Variants in KAZN observed in about 807,000 individuals in gnomAD.
KAZN encodes kazrin.
In KAZN, 40 loss-of-function variants were observed where a neutral mutation model predicts 87.4. The observed-to-expected ratio is 0.46, with a 90% CI of 0.36 to 0.60. KAZN has a LOEUF of 0.60. Ranked by LOEUF, KAZN falls within the 20% of genes least tolerant of loss-of-function variation. The pLI, the probability that KAZN is intolerant of heterozygous loss-of-function variation, is 0.00. For missense variants in KAZN, 898 were observed against 1,073.9 expected, an observed-to-expected ratio of 0.84 and a Z score of 2.29; for synonymous variants, 466 against 458.3, an observed-to-expected ratio of 1.02 and a Z score of -0.22.
At chr1:14,744,790 A>G (rs1351976447) in intron 1 of KAZN, among the ~76,000 whole-genome samples, 1 of 152,186 alleles carries the variant, frequency 6.6e-6, no homozygotes, top group Non-Finnish European at 1.5e-5. Flanking sequence ...ATAGTTCATA[A>G]GTAAATAACT....
At chr1:14,455,021 A>G (rs1352874958) in intron 2 of KAZN, among the ~76,000 whole-genome samples, 2 of 151,584 alleles carry the variant, frequency 1.3e-5, no homozygotes, top group African/African-American at 4.9e-5. Flanking sequence ...GGGCTTCTCC[A>G]TAGAGCTGCT....
chr1:14,684,634 T>C (rs1640854722), intron 1 of KAZN, among the ~76,000 whole-genome samples: 1 of 152,198 alleles, frequency 6.6e-6, no homozygotes, highest in South Asian at 2.1e-4. Context: ...CTTTCTAGCT[T>C]CTAGAGGCTG....
intron 2 of KAZN, among the ~76,000 whole-genome samples, chr1:14,514,344 T>TTTTATATATATTATATATATTTA (rs1553182417): frequency 5.1e-5 from 1 of 19,642 alleles, no homozygotes; most frequent in African/African-American, 1.9e-4. Context: ...ATATATATAT[T>TTTTATATATATTATATATATTTA]TATATATATT....
At chr1:14,127,821 T>A (rs1049375021) in intron 1 of KAZN, among the ~76,000 whole-genome samples, 5 of 152,134 alleles carry the variant, frequency 3.3e-5, no homozygotes, top group Admixed American at 2.6e-4. Context: ...AGGGACACCC[T>A]GGCAGAGAGG....
chr1:14,257,141 T>A (rs1489623286), intron 2 of KAZN, among the ~76,000 whole-genome samples: 2 of 152,208 alleles, frequency 1.3e-5, no homozygotes, highest in Non-Finnish European at 2.9e-5. Flanking sequence ...TATGTCCTTA[T>A]TTTTAAAGGC....
intron 1 of KAZN, among the ~76,000 whole-genome samples, chr1:14,001,933 A>T (rs1472372800): frequency 3.3e-5 from 5 of 152,262 alleles, no homozygotes; most frequent in Non-Finnish European, 7.3e-5. Flanking sequence ...TTCAGGACAC[A>T]GACATGGGCA....
chr1:14,410,442 G>A (rs369179866), intron 2 of KAZN, among the ~76,000 whole-genome samples: 1 of 152,308 alleles, frequency 6.6e-6, no homozygotes. Flanking sequence ...ACAGAATAGA[G>A]AGGATTGGGA....
chr1:14,755,159 G>A (rs1326938346), intron 1 of KAZN, among the ~76,000 whole-genome samples: 8 of 151,914 alleles, frequency 5.3e-5, no homozygotes, highest in Non-Finnish European at 1.2e-4. Context: ...AGGCTGAGGT[G>A]GGAAAATTGC....
chr1:13,960,631 C>T (rs1641715068), intron 1 of KAZN, among the ~76,000 whole-genome samples: 1 of 152,190 alleles, frequency 6.6e-6, no homozygotes, highest in Non-Finnish European at 1.5e-5. Flanking sequence ...GGAGACCAAA[C>T]CTCAGGATGA....
chr1:14,821,114 G>A (rs1646726040), intron 1 of KAZN, among the ~76,000 whole-genome samples: 2 of 152,190 alleles, frequency 1.3e-5, no homozygotes, highest in South Asian at 4.1e-4. Flanking sequence ...GGGAAGAAGT[G>A]AGCTTGAAAG....
chr1:14,027,282 C>G (rs1294323345), intron 1 of KAZN, among the ~76,000 whole-genome samples: 2 of 152,080 alleles, frequency 1.3e-5, no homozygotes, highest in African/African-American at 4.8e-5. Flanking sequence ...GCTCCTCAGC[C>G]CCATGCGATG....
intron 1 of KAZN, among the ~76,000 whole-genome samples, chr1:14,675,546 G>A (rs1333408610): frequency 6.6e-6 from 1 of 152,160 alleles, no homozygotes; most frequent in Non-Finnish European, 1.5e-5. Context: ...GCAGGAGGCT[G>A]ATATCCCCCA....
intron 1 of KAZN, among the ~76,000 whole-genome samples, chr1:14,781,138 C>G (rs1298487535): frequency 1.3e-5 from 2 of 152,138 alleles, no homozygotes; most frequent in African/African-American, 4.8e-5. Context: ...CTGGCTAACA[C>G]GGTGAAACCC....
intron 2 of KAZN, among the ~76,000 whole-genome samples, chr1:14,414,908 C>G (rs1261177311): frequency 6.6e-6 from 1 of 152,214 alleles, no homozygotes; most frequent in East Asian, 1.9e-4. Flanking sequence ...CACCTGTAGC[C>G]CCAGCTACTT....
At chr1:14,633,287 A>G (rs1036586600) in intron 1 of KAZN, among the ~76,000 whole-genome samples, 6 of 152,186 alleles carry the variant, frequency 3.9e-5, no homozygotes, top group African/African-American at 1.4e-4. Context: ...AAAACTTTGT[A>G]TGGCAGATGG....
intron 1 of KAZN, among the ~76,000 whole-genome samples, chr1:14,685,489 G>C (rs1572220264): frequency 1.3e-5 from 2 of 152,312 alleles, no homozygotes; most frequent in East Asian, 3.9e-4. Context: ...AGGGGACATG[G>C]GCAGAGGATT....
intron 1 of KAZN, among the ~76,000 whole-genome samples, chr1:13,930,687 A>G (rs1466811189): frequency 6.6e-6 from 1 of 152,260 alleles, no homozygotes; most frequent in Non-Finnish European, 1.5e-5. Context: ...AAAGCATAAA[A>G]GTCACTGACT....
intron 1 of KAZN, among the ~76,000 whole-genome samples, chr1:14,058,902 G>A (rs991657612): frequency 6.6e-6 from 1 of 152,176 alleles, no homozygotes; most frequent in Non-Finnish European, 1.5e-5. Context: ...AGGCAAGAAA[G>A]GTTTTGGCAT....
At chr1:14,234,087 G>T (rs1474678882) in intron 2 of KAZN, among the ~76,000 whole-genome samples, 1 of 152,164 alleles carries the variant, frequency 6.6e-6, no homozygotes, top group Non-Finnish European at 1.5e-5. Context: ...CTACTATAAA[G>T]ACACATGCAC....
Sources: gnomAD v4.1 joint callset for allele counts (sites outside exome capture counted in the v4.1 genomes callset) on GRCh38, gnomAD v4.1.1 for gene constraint, MANE v1.5 for transcripts, NCBI Gene and HGNC (gene_info 2026-07-23, HGNC 2026-07-21) for gene names.